The following EYA2 variants were observed in gnomAD, a reference collection of about 807,000 sequenced individuals.
EYA2 encodes the protein protein phosphatase EYA2.
Under a neutral mutation model 69.2 loss-of-function variants are expected in EYA2, and 31 were observed. The ratio of observed to expected loss-of-function variants is 0.45; its 90% CI spans 0.34 to 0.60. The LOEUF is 0.60. Among genes scored for constraint, EYA2 ranks in the 20% least tolerant of loss-of-function variants. The probability of loss-of-function intolerance (pLI) is 0.02; values close to 1 mark genes in which losing one functional copy is unlikely to be tolerated. For synonymous variants in EYA2, 257 were observed against 279.4 expected (o/e 0.92, Z 0.80); for missense variants, 622 against 701.2 (o/e 0.89, Z 1.28).
intron 2 of EYA2, among the ~76,000 whole-genome samples, chr20:46,991,988 G>T (rs1169037329): frequency 1.6e-5 from 1 of 60,896 alleles, no homozygotes; most frequent in Non-Finnish European, 4.0e-5. Context: ...AAAAAAAAAC[G>T]CTGAAAGCTT....
At chr20:46,929,521 C>A (rs189953162) in intron 1 of EYA2, among the ~76,000 whole-genome samples, 5 of 152,112 alleles carry the variant, frequency 3.3e-5, no homozygotes, top group East Asian at 3.9e-4. Flanking sequence ...GCCTCTGGCA[C>A]TATGAGGAGG....
At chr20:47,177,104 A>G (rs1040771751) in intron 12 of EYA2, among the ~76,000 whole-genome samples, 2 of 151,004 alleles carry the variant, frequency 1.3e-5, no homozygotes, top group African/African-American at 2.4e-5. Context: ...GGCCCCTTCT[A>G]TCTTTGTATT....
intron 5 of EYA2, among the ~76,000 whole-genome samples, chr20:47,054,099 T>C (rs898836327): frequency 3.3e-5 from 5 of 151,796 alleles, no homozygotes; most frequent in Non-Finnish European, 7.4e-5. Context: ...CAGTAAGAAT[T>C]TGATAAGTAT....
At chr20:47,112,862 CT>C (rs11473217) in intron 9 of EYA2, among the ~76,000 whole-genome samples, 575 of 55,742 alleles carry the variant, frequency 0.01, 1 homozygote, top group Middle Eastern at 0.052. Flanking sequence ...ATGTTCACTC[CT>C]TTTTTTTTTT....
At chr20:47,027,509 C>A (rs968477232) in intron 5 of EYA2, among the ~76,000 whole-genome samples, 3 of 152,190 alleles carry the variant, frequency 2.0e-5, no homozygotes, top group Non-Finnish European at 4.4e-5. Context: ...GGCTTGCTGC[C>A]TTTTGCTTGA....
intron 7 of EYA2, among the ~76,000 whole-genome samples, chr20:47,074,735 A>G (rs1369827117): frequency 6.6e-6 from 1 of 152,202 alleles, no homozygotes; most frequent in East Asian, 1.9e-4. Flanking sequence ...GGACACACCC[A>G]ATTCCACATC....
At chr20:46,989,270 GTGTT>G (rs1455347352) in intron 1 of EYA2, among the ~76,000 whole-genome samples, 8 of 151,902 alleles carry the variant, frequency 5.3e-5, no homozygotes, top group South Asian at 2.1e-4. Flanking sequence ...AAGTAGTACC[GTGTT>G]TGTTTGTTTG....
intron 7 of EYA2, among the ~76,000 whole-genome samples, chr20:47,078,549 C>T (rs995485760): frequency 6.6e-6 from 1 of 152,228 alleles, no homozygotes; most frequent in African/African-American, 2.4e-5. Context: ...CCATGCACCC[C>T]ATCCTCGCCA....
chr20:47,185,931 G>A (rs1039321422), intron 15 of EYA2, among the ~76,000 whole-genome samples: 14 of 152,016 alleles, frequency 9.2e-5, no homozygotes, highest in Non-Finnish European at 1.5e-4. Flanking sequence ...AGAGCCATGC[G>A]GTGCAGCAAT....
Position 47,188,627 on chromosome 20 carries a change from T to C in EYA2, c.*494T>C. On this transcript the variant is annotated 3_prime_UTR_variant, in exon 16 of 16. Transcript: ENST00000327619. Reference sequence around the variant, plus strand: ...ACTCTATTCTCCAAGTTGTGCTTTGTGGGGACAATCATTCTTTGAACATTA... The same window carrying C: ...ACTCTATTCTCCAAGTTGTGCTTTGCGGGGACAATCATTCTTTGAACATTA... 1 of 363,254 alleles carries C rather than the reference T, an allele frequency of 2.8e-6. No homozygotes were observed. The highest frequency in any genetic ancestry group is 4.2e-5 in the Admixed American group (1 of 24,084). 22.5% of individuals were successfully genotyped at this position (363,254 alleles called of 1,614,324 possible).
intron 9 of EYA2, among the ~76,000 whole-genome samples, chr20:47,136,996 ACAAGTTCTCTAGTCAAAC>A (rs1452753360): frequency 1.3e-5 from 2 of 151,972 alleles, no homozygotes; most frequent in African/African-American, 4.8e-5. Flanking sequence ...AGAACCACCC[ACAAGTTCTCTAGTCAAAC>A]AAAGATGACA....
intron 1 of EYA2, among the ~76,000 whole-genome samples, chr20:46,912,007 A>T (rs1984666371): frequency 6.6e-6 from 1 of 152,226 alleles, no homozygotes; most frequent in South Asian, 2.1e-4. Flanking sequence ...TTTGATCATC[A>T]CACATTGTAT....
At chr20:47,046,256 A>C (rs1218898855) in intron 5 of EYA2, among the ~76,000 whole-genome samples, 1 of 151,892 alleles carries the variant, frequency 6.6e-6, no homozygotes, top group Non-Finnish European at 1.5e-5. Flanking sequence ...TGACCAAATC[A>C]CCTCCCAAAG....
chr20:46,923,439 C>A (rs6122538), intron 1 of EYA2, among the ~76,000 whole-genome samples: 17,519 of 152,154 alleles, frequency 0.12, 1,473 homozygotes, highest in East Asian at 0.48. Context: ...GTACCCAGTT[C>A]TAGACTGGAT....
At chr20:47,103,356 C>T (rs1057090777) in intron 9 of EYA2, among the ~76,000 whole-genome samples, 1 of 152,192 alleles carries the variant, frequency 6.6e-6, no homozygotes. Flanking sequence ...GGGAATCACA[C>T]AGTACGTGTG....
chr20:47,061,685 T>C (rs1198379320), intron 5 of EYA2, among the ~76,000 whole-genome samples: 2 of 152,088 alleles, frequency 1.3e-5, no homozygotes, highest in African/African-American at 4.8e-5. Flanking sequence ...AAGTGAGACA[T>C]GTTTACAGCA....
intron 9 of EYA2, among the ~76,000 whole-genome samples, chr20:47,137,968 A>G (rs1199540265): frequency 7.1e-6 from 1 of 140,534 alleles, no homozygotes; most frequent in Non-Finnish European, 1.5e-5. Flanking sequence ...GAAGGGGAAC[A>G]TCACACTCTG....
Position 47,174,800 on chromosome 20 carries a change from C to G in EYA2, c.1198+1933C>G, listed in dbSNP as rs1476025225. Among the ~76,000 whole-genome samples the G allele has an allele frequency of 2.6e-5, 4 of 152,210 alleles. No individual in the cohort carries two copies. In the East Asian group the frequency reaches 5.8e-4, roughly 22 times the overall value. ...AGGTTAAGTAACCTGCCCAGCGTCA[C>G]ACAGCCCAGGCAGAAGGGCCACAGT... On this transcript the variant is annotated intron_variant, in intron 12 of 15. Transcript: ENST00000327619.
At chr20:46,908,542 G>A (rs939616784) in intron 1 of EYA2, among the ~76,000 whole-genome samples, 3 of 152,140 alleles carry the variant, frequency 2.0e-5, no homozygotes, top group Non-Finnish European at 2.9e-5. Context: ...ATTTAAAAAT[G>A]ATTTTTCAAA....
Sources: allele counts gnomAD v4.1 joint callset (sites outside exome capture counted in the v4.1 genomes callset), GRCh38; gene constraint gnomAD v4.1.1; transcripts MANE v1.5; gene names NCBI Gene and HGNC (gene_info 2026-07-23, HGNC 2026-07-21).